Variants in SPAG1 observed in about 807,000 individuals in gnomAD.
The protein encoded by SPAG1 is sperm-associated antigen 1.
In SPAG1, 69 loss-of-function variants were observed where a neutral mutation model predicts 100.5. That is an observed-to-expected ratio of 0.69 (90% CI 0.57 to 0.84). The LOEUF is 0.84. Among genes scored for constraint, SPAG1 ranks in the 40% least tolerant of loss-of-function variants. The pLI is 0.00. For synonymous variants in SPAG1, 336 were observed against 411.6 expected (o/e 0.82, Z 2.22); for missense variants, 955 against 1,133.1 (o/e 0.84, Z 2.26).
chr8:100,231,240 G>A lies in SPAG1; in HGVS notation c.1940G>A (p.Ser647Asn), dbSNP rs766218884. 1 of 1,605,398 alleles carries A rather than the reference G, an allele frequency of 6.2e-7. No homozygotes were observed. Among genetic ancestry groups the A allele is most frequent in the South Asian group, 1.1e-5 (1 of 89,964 alleles). ...TATAAAGACGCCCTCAGTAAATACA[G>A]CGAATGCTTAAAGATTAACAATAAG... ...KNYKDALSKY[S>N]ECLKINNKEC... is the part of the protein sequence containing the mutation. The change falls in exon 15 of 19, where the codon AGC becomes AAC. Residue 647 changes from serine (S) to asparagine (N), a missense_variant. Transcript: ENST00000388798.
rs536817111 is a variant in SPAG1, at chr8:100,177,341, G to A, written c.301-475G>A. ...AAGCTTACCACAATAGCAACAGGAG[G>A]TGGCTGTGAAATTATTACGTATTAT... On this transcript the variant is annotated intron_variant, in intron 3 of 18. Coordinates refer to ENST00000388798, the MANE Select transcript of SPAG1 (RefSeq NM_003114.5). 2.0e-5 allele frequency among the ~76,000 whole-genome samples: 3 copies of A among 152,192 alleles called. No homozygotes were observed. In the East Asian group the frequency reaches 5.8e-4, roughly 29 times the overall value.
chr8:100,195,164 CA>C (rs34240029), intron 10 of SPAG1, among the ~76,000 whole-genome samples: 138 of 122,520 alleles, frequency 1.1e-3, no homozygotes, highest in Admixed American at 5.8e-3. Flanking sequence ...GACTCCATCT[CA>C]AAAAAAAAAA....
intron 14 of SPAG1, among the ~76,000 whole-genome samples, chr8:100,228,507 G>A (rs1818618921): frequency 6.6e-6 from 1 of 151,972 alleles, no homozygotes. Context: ...GAGCTCAGGA[G>A]TTTGAGACCA....
intron 10 of SPAG1, among the ~76,000 whole-genome samples, chr8:100,209,263 G>A (rs1817624077): frequency 6.6e-6 from 1 of 151,052 alleles, no homozygotes; most frequent in African/African-American, 2.4e-5. Context: ...GGGACCTTGT[G>A]ATCATGTAAG....
chr8:100,185,943 T>C (rs984266428), intron 7 of SPAG1, among the ~76,000 whole-genome samples: 11 of 152,172 alleles, frequency 7.2e-5, no homozygotes, highest in African/African-American at 2.2e-4. Flanking sequence ...TCTTGTCTAT[T>C]ACAGGTTACA....
Position 100,233,492 on chromosome 8 carries a change from C to A in SPAG1, c.2070C>A (p.Asn690Lys). Residue 690 changes from asparagine to lysine, a missense_variant, in exon 16 of 19, where the codon AAC becomes AAA. Asn to Lys is a moderately conservative substitution (Grantham distance 94). Coordinates refer to ENST00000388798, the MANE Select transcript of SPAG1 (RefSeq NM_003114.5). ...AGGCACTTCAGCTAGCTGATGGGAA[C>A]GTGAAAGCCTTCTATAGACGAGCTC... ...CDQALQLADG[N>K]VKAFYRRALA... 1 of 1,613,884 alleles carries A rather than the reference C, an allele frequency of 6.2e-7. No homozygotes were observed.
Position 100,170,637 on chromosome 8 carries a change from G to A in SPAG1, c.300+4664G>A, listed in dbSNP as rs140869669. ...TTAATTTCAATTTTTAATTATACAA[G>A]TTTGTATTTATCTAATTGCTTTTTC... On this transcript the variant is annotated intron_variant, in intron 3 of 18. Coordinates refer to ENST00000388798, the MANE Select transcript of SPAG1 (RefSeq NM_003114.5). Among the ~76,000 whole-genome samples the A allele has an allele frequency of 6.2e-3, 939 of 152,006 alleles. 10 individuals carry two copies. Among genetic ancestry groups the A allele is most frequent in the African/African-American group, 0.022 (893 of 41,478 alleles).
chr8:100,180,061 G>A (rs908889219), intron 4 of SPAG1, among the ~76,000 whole-genome samples: 1 of 152,052 alleles, frequency 6.6e-6, no homozygotes, highest in Non-Finnish European at 1.5e-5. Flanking sequence ...CAGGCGGGCA[G>A]TGGCTCATGC....
At position 100,231,270 on chromosome 8, in the gene SPAG1, G is replaced by A; in HGVS notation, c.1970G>A (p.Cys657Tyr). Residue 657 changes from cysteine (C) to tyrosine (Y), a missense_variant, in exon 15 of 19, where the codon TGT becomes TAT. Coordinates refer to ENST00000388798, the MANE Select transcript of SPAG1 (RefSeq NM_003114.5). ...SECLKINNKE[C>Y]AIYTNRALCY... is the part of the protein sequence containing the mutation. The stretch of plus-strand genomic sequence containing the variant: ...TGCTTAAAGATTAACAATAAGGAAT[G>A]TGCCATATATACAAACAGGCAAGTT... 1 of 1,579,276 alleles carries A rather than the reference G, an allele frequency of 6.3e-7. No homozygotes were observed. The highest frequency in any genetic ancestry group is 1.2e-5 in the South Asian group (1 of 85,270).
At chr8:100,214,448 A>G (rs150952026) in intron 12 of SPAG1, among the ~76,000 whole-genome samples, 4 of 152,210 alleles carry the variant, frequency 2.6e-5, no homozygotes, top group African/African-American at 9.6e-5. Flanking sequence ...TATCTTCTGA[A>G]GTTCTTGCTC....
chr8:100,190,374 T>C (rs977283613), intron 8 of SPAG1, among the ~76,000 whole-genome samples: 11 of 151,912 alleles, frequency 7.2e-5, no homozygotes, highest in African/African-American at 2.4e-4. Flanking sequence ...TTTTTCAAAG[T>C]AATGACTTAT....
At chr8:100,211,023 T>C (rs1426442648) in intron 10 of SPAG1, among the ~76,000 whole-genome samples, 2 of 151,874 alleles carry the variant, frequency 1.3e-5, no homozygotes, top group Non-Finnish European at 2.9e-5. Flanking sequence ...GAGACAGGGT[T>C]CACCATGTTG....
chr8:100,233,706 C>T (rs1563815353), intron 16 of SPAG1, among the ~76,000 whole-genome samples, 169 bp downstream of exon 16: 1 of 152,176 alleles, frequency 6.6e-6, no homozygotes, highest in South Asian at 2.1e-4. Context: ...AGATTTCACC[C>T]CTAACCATAA....
intron 15 of SPAG1, among the ~76,000 whole-genome samples, chr8:100,232,946 G>A (rs1563814679): frequency 6.6e-6 from 1 of 152,132 alleles, no homozygotes; most frequent in Non-Finnish European, 1.5e-5. Context: ...CTGTGCACTC[G>A]CTGTGTCCTT....
At chr8:100,213,674 C>A in intron 11 of SPAG1, 145 bp from the exon 12 acceptor site, 1 of 582,010 alleles carries the variant, frequency 1.7e-6, no homozygotes, top group Non-Finnish European at 2.9e-6. Context: ...GTGGCTGTTG[C>A]GGGTAGCAGC....
At chr8:100,195,164 C>CAA (rs34240029) in intron 10 of SPAG1, among the ~76,000 whole-genome samples, 152 of 122,496 alleles carry the variant, frequency 1.2e-3, no homozygotes, top group Middle Eastern at 4.7e-3. Flanking sequence ...GACTCCATCT[C>CAA]AAAAAAAAAA....
intron 10 of SPAG1, among the ~76,000 whole-genome samples, chr8:100,207,761 A>C (rs184723474): frequency 7.2e-5 from 11 of 152,302 alleles, no homozygotes. Flanking sequence ...TGACCAAGGC[A>C]CTCACTTTAT....
intron 8 of SPAG1, among the ~76,000 whole-genome samples, chr8:100,189,846 CA>C (rs1734912518): frequency 1.3e-5 from 2 of 152,172 alleles, no homozygotes; most frequent in South Asian, 4.2e-4. Flanking sequence ...ATCTGTGTAG[CA>C]ATAGCAATAG....
At chr8:100,238,328 A>T (rs1286596576) in intron 16 of SPAG1, among the ~76,000 whole-genome samples, 1 of 152,188 alleles carries the variant, frequency 6.6e-6, no homozygotes, top group East Asian at 1.9e-4. Context: ...GTGTTGCTGT[A>T]GGGGAGGGGA....
Sources: gnomAD v4.1 joint callset for allele counts (sites outside exome capture counted in the v4.1 genomes callset) on GRCh38, gnomAD v4.1.1 for gene constraint, MANE v1.5 for transcripts, NCBI Gene and HGNC (gene_info 2026-07-23, HGNC 2026-07-21) for gene names.